The following GRID1 variants were observed in gnomAD, a reference collection of about 807,000 sequenced individuals.
GRID1 encodes glutamate receptor ionotropic, delta-1.
GRID1 carries 28 observed loss-of-function variants against 98.0 expected under a neutral mutation model. The ratio of observed to expected loss-of-function variants is 0.29; its 90% confidence interval spans 0.21 to 0.39. The LOEUF (loss-of-function observed/expected upper bound fraction) is 0.39, where lower values mean the gene tolerates loss of function less well. Among genes scored for constraint, GRID1 ranks in the 10% least tolerant of loss-of-function variants. The probability of loss-of-function intolerance (pLI) is 1.00; values close to 1 mark genes in which losing one functional copy is unlikely to be tolerated. For missense variants in GRID1, 1,111 were observed against 1,340.5 expected (o/e 0.83, Z 2.67); for synonymous variants, 553 against 538.5 (o/e 1.03, Z -0.37).
chr10:85,955,018 A>G (rs1842171282), intron 4 of GRID1, among the ~76,000 whole-genome samples: 1 of 152,210 alleles, frequency 6.6e-6, no homozygotes, highest in Non-Finnish European at 1.5e-5. Context: ...TACAAAAAAT[A>G]CAAAAATACA....
intron 8 of GRID1, among the ~76,000 whole-genome samples, chr10:85,794,189 T>C (rs746847379): frequency 6.6e-5 from 10 of 152,178 alleles, no homozygotes; most frequent in South Asian, 4.1e-4. Context: ...ACTGCTGAGG[T>C]TATTTGGTTA....
intron 14 of GRID1, among the ~76,000 whole-genome samples, chr10:85,618,101 A>G (rs1842813237): frequency 6.6e-6 from 1 of 152,204 alleles, no homozygotes; most frequent in Non-Finnish European, 1.5e-5. Context: ...GACTCCATTC[A>G]GCAGTCCAGC....
At chr10:85,783,617 AG>A (rs1842399988) in intron 8 of GRID1, among the ~76,000 whole-genome samples, 1 of 152,202 alleles carries the variant, frequency 6.6e-6, no homozygotes, top group South Asian at 2.1e-4. Context: ...GTAGGAGCCA[AG>A]GATCTTGCTA....
At chr10:85,978,821 G>A (rs1842507158) in intron 4 of GRID1, among the ~76,000 whole-genome samples, 2 of 152,192 alleles carry the variant, frequency 1.3e-5, no homozygotes, top group Admixed American at 1.3e-4. Flanking sequence ...GATGCAACCT[G>A]CTCAGCTGCA....
intron 4 of GRID1, among the ~76,000 whole-genome samples, chr10:86,132,185 C>T (rs1468102215): frequency 2.6e-5 from 4 of 152,178 alleles, no homozygotes; most frequent in Non-Finnish European, 4.4e-5. Context: ...ACAGCAGCTT[C>T]CCCAGCACTC....
intron 4 of GRID1, among the ~76,000 whole-genome samples, chr10:86,030,164 C>A (rs1827061347): frequency 6.6e-6 from 1 of 152,002 alleles, no homozygotes; most frequent in Non-Finnish European, 1.5e-5. Context: ...GTATATCACA[C>A]CCTGGCTATG....
intron 2 of GRID1, among the ~76,000 whole-genome samples, chr10:86,271,817 C>A (rs192003707): frequency 6.6e-6 from 1 of 152,218 alleles, no homozygotes; most frequent in Non-Finnish European, 1.5e-5. Flanking sequence ...ATATGTGTAA[C>A]TGGAGTCCCA....
At chr10:86,164,377 C>A (rs1205895651) in intron 3 of GRID1, among the ~76,000 whole-genome samples, 1 of 152,004 alleles carries the variant, frequency 6.6e-6, no homozygotes, top group African/African-American at 2.4e-5. Context: ...AGAACAAAAG[C>A]GCTCAGTGCT....
intron 4 of GRID1, among the ~76,000 whole-genome samples, chr10:85,927,130 G>T (rs556999300): frequency 6.6e-6 from 1 of 152,334 alleles, no homozygotes; most frequent in Non-Finnish European, 1.5e-5. Context: ...GACAGGAAGT[G>T]TGTGGGCAAG....
At chr10:85,613,901 C>T (rs994302867) in intron 14 of GRID1, among the ~76,000 whole-genome samples, 2 of 152,192 alleles carry the variant, frequency 1.3e-5, no homozygotes, top group African/African-American at 4.8e-5. Flanking sequence ...ATTCCACTGC[C>T]CAAGGATAAA....
chr10:86,326,567 AT>A (rs1461157185), intron 2 of GRID1, among the ~76,000 whole-genome samples: 14 of 152,256 alleles, frequency 9.2e-5, no homozygotes, highest in African/African-American at 3.4e-4. Context: ...CAAAATTAAA[AT>A]TTAAAGCCAT....
intron 4 of GRID1, among the ~76,000 whole-genome samples, chr10:85,991,512 G>A (rs955939502): frequency 5.3e-5 from 8 of 151,972 alleles, no homozygotes; most frequent in East Asian, 1.9e-4. Context: ...GAAGAGGTGC[G>A]GGACTGCCCC....
chr10:86,006,068 A>G (rs1237868767), intron 4 of GRID1, among the ~76,000 whole-genome samples: 1 of 152,196 alleles, frequency 6.6e-6, no homozygotes, highest in East Asian at 1.9e-4. Flanking sequence ...TTGTTTTATC[A>G]AATATCAAAA....
At chr10:86,032,141 T>C (rs1208897045) in intron 4 of GRID1, among the ~76,000 whole-genome samples, 2 of 152,230 alleles carry the variant, frequency 1.3e-5, no homozygotes, top group Non-Finnish European at 2.9e-5. Flanking sequence ...GTCTGGCTTG[T>C]GGCCATCTCT....
chr10:85,900,498 A>G (rs1265315576), intron 5 of GRID1, among the ~76,000 whole-genome samples: 1 of 152,234 alleles, frequency 6.6e-6, no homozygotes, highest in Non-Finnish European at 1.5e-5. Flanking sequence ...AAAACTCCCT[A>G]AGTGTCAGCA....
intron 2 of GRID1, among the ~76,000 whole-genome samples, chr10:86,258,020 C>T (rs1846952309): frequency 6.6e-6 from 1 of 152,166 alleles, no homozygotes; most frequent in Non-Finnish European, 1.5e-5. Flanking sequence ...TGGTTGGTGT[C>T]CCGCCTCCAG....
intron 8 of GRID1, among the ~76,000 whole-genome samples, chr10:85,752,154 A>G (rs1334824923): frequency 6.6e-6 from 1 of 152,206 alleles, no homozygotes; most frequent in Non-Finnish European, 1.5e-5. Context: ...AGCACATACA[A>G]TCTCAGCTCT....
intron 4 of GRID1, among the ~76,000 whole-genome samples, chr10:86,064,400 C>A (rs1231156828): frequency 6.6e-6 from 1 of 152,188 alleles, no homozygotes; most frequent in Admixed American, 6.5e-5. Flanking sequence ...GAGGTCCCTC[C>A]CCTAAGGGAG....
intron 8 of GRID1, among the ~76,000 whole-genome samples, chr10:85,842,970 A>C (rs1842973946): frequency 6.6e-6 from 1 of 151,978 alleles, no homozygotes; most frequent in South Asian, 2.1e-4. Flanking sequence ...AACAAAAAAA[A>C]CCCCTACACC....
Sources: gnomAD v4.1 joint callset for allele counts (sites outside exome capture counted in the v4.1 genomes callset) on GRCh38, gnomAD v4.1.1 for gene constraint, MANE v1.5 for transcripts, NCBI Gene and HGNC (gene_info 2026-07-23, HGNC 2026-07-21) for gene names.